DLGAP1: variants seen among roughly 807,000 people sequenced by gnomAD.
DLGAP1 encodes the protein disks large-associated protein 1.
DLGAP1 carries 11 observed loss-of-function variants against 90.8 expected under a neutral mutation model. The ratio of observed to expected loss-of-function variants is 0.12; its 90% confidence interval spans 0.08 to 0.20. DLGAP1 has a LOEUF of 0.20. DLGAP1 is among the 10% of genes least tolerant of loss of function. The pLI, the probability that DLGAP1 is intolerant of heterozygous loss-of-function variation, is 1.00. For synonymous variants in DLGAP1, 558 were observed against 540.7 expected (o/e 1.03, Z -0.44); for missense variants, 1,050 against 1,333.8 (o/e 0.79, Z 3.31).
In DLGAP1 at chr18:3,728,456, C is replaced by T. The variant is rs368497488; in HGVS notation, c.1591+679G>A. Among the ~76,000 whole-genome samples the T allele has an allele frequency of 2.6e-5, 4 of 151,956 alleles. No individual in the cohort carries two copies. In the East Asian group the frequency reaches 5.8e-4, roughly 22 times the overall value. On this transcript the variant is annotated intron_variant, in intron 7 of 12. Coordinates refer to ENST00000315677, the MANE Select transcript of DLGAP1 (RefSeq NM_004746.4). ...TCCAGTGTCACAGAAACTCGTTAAG[C>T]TTTTCTGTGTCTCCGTGCCTAAAAT...
intron 8 of DLGAP1, among the ~76,000 whole-genome samples, chr18:3,573,632 GT>G (rs34761082): frequency 0.08 from 12,021 of 149,820 alleles, 702 homozygotes; most frequent in African/African-American, 0.15. Flanking sequence ...TTTGTGAAAG[GT>G]TTTTTTTTTC....
At chr18:4,446,770 A>G (rs2144875894) in intron 1 of DLGAP1, among the ~76,000 whole-genome samples, 1 of 152,306 alleles carries the variant, frequency 6.6e-6, no homozygotes, top group Middle Eastern at 3.4e-3. Context: ...CTGAGTGGAG[A>G]TAACTGAAAT....
chr18:3,785,491 T>C (rs1387728173), intron 5 of DLGAP1, among the ~76,000 whole-genome samples: 4 of 152,056 alleles, frequency 2.6e-5, no homozygotes, highest in African/African-American at 4.8e-5. Flanking sequence ...CTCAGTGGAG[T>C]ACAGATCTTA....
chr18:3,550,636 C>T (rs934359092), intron 9 of DLGAP1, among the ~76,000 whole-genome samples: 7 of 150,414 alleles, frequency 4.7e-5, no homozygotes, highest in Middle Eastern at 3.4e-3. Flanking sequence ...AGAGGAGAGA[C>T]GACATGAAGA....
At chr18:3,952,831 ACAATAAGTAAATAAG>A (rs1185170123) in intron 3 of DLGAP1, among the ~76,000 whole-genome samples, 1 of 152,206 alleles carries the variant, frequency 6.6e-6, no homozygotes, top group East Asian at 1.9e-4. Context: ...GAGAGAGTTT[ACAATAAGTAAATAAG>A]CACTTGGAAT....
rs146606086 is a variant in DLGAP1 at position 3,611,773 on chromosome 18, C to CA, written c.1592-29526dup. On this transcript the variant is annotated intron_variant, in intron 7 of 12. Transcript: ENST00000315677. The stretch of plus-strand genomic sequence containing the variant: ...AAGGAAACCCCAAAGAAAATCCAAA[C>CA]AAAAAAGCTTACAAGTATGTTTCTC... Among the ~76,000 whole-genome samples, 839 of 152,260 alleles carry CA rather than the reference C, an allele frequency of 5.5e-3. 8 individuals are homozygous for CA. The highest frequency in any genetic ancestry group is 0.019 in the African/African-American group (803 of 41,546).
Position 4,454,655 on chromosome 18 carries a change from G to C in DLGAP1, c.-267+351C>G, listed in dbSNP as rs1333585076. Among the ~76,000 whole-genome samples the C allele has an allele frequency of 2.0e-5, 3 of 151,994 alleles. No homozygotes were observed. Among genetic ancestry groups the C allele is most frequent in the Middle Eastern group, 3.2e-3 (1 of 316 alleles). ...GCGAATTTGACCGGTGGACATGACC[G>C]GGACAGGGGACCGGTGTTCTCCTCC... On this transcript the variant is annotated intron_variant, in intron 1 of 12. Coordinates refer to ENST00000315677, the MANE Select transcript of DLGAP1 (RefSeq NM_004746.4). The surrounding 1 kb of genome is among the most constrained non-coding windows in gnomAD (Gnocchi z 4.7).
intron 7 of DLGAP1, among the ~76,000 whole-genome samples, chr18:3,590,699 AC>A: frequency 6.6e-6 from 1 of 152,228 alleles, no homozygotes; most frequent in East Asian, 1.9e-4. Context: ...TACTAAAAAT[AC>A]AAAAATTAGC....
intron 6 of DLGAP1, among the ~76,000 whole-genome samples, chr18:3,739,109 TAA>T (rs1271252380): frequency 1.6e-4 from 20 of 122,264 alleles, no homozygotes. Context: ...TGGCAATCAT[TAA>T]AAAGTCAGGA....
chr18:3,619,703 T>C (rs1164216529), intron 7 of DLGAP1, among the ~76,000 whole-genome samples: 1 of 151,402 alleles, frequency 6.6e-6, no homozygotes, highest in African/African-American at 2.4e-5. Flanking sequence ...ACCTTCTGAC[T>C]TAGCGTCATG....
chr18:3,848,490 T>A (rs1256777246), intron 4 of DLGAP1, among the ~76,000 whole-genome samples: 1 of 152,178 alleles, frequency 6.6e-6, no homozygotes, highest in Admixed American at 6.5e-5. Flanking sequence ...AGAACTCCCA[T>A]GTGAGAGTCA....
At position 3,729,650 on chromosome 18, in the gene DLGAP1, C is replaced by A. The variant is rs1468830086; in HGVS notation, c.1351-275G>T. ...TCTCGAACTCCTGACCTCAAGTGAT[C>A]CACCCGCCTGGGCCTCCCAAAGTGC... On this transcript the variant is annotated intron_variant, in intron 6 of 12. Transcript: ENST00000315677. This position sits in a 1 kb window ranked among gnomAD's most constrained non-coding sequence, Gnocchi z 6.2. Among the ~76,000 whole-genome samples, 1 of 152,126 alleles carries A rather than the reference C, an allele frequency of 6.6e-6. No individual in the cohort carries two copies. The highest frequency in any genetic ancestry group is 2.4e-5 in the African/African-American group (1 of 41,418).
At chr18:4,319,439 CCAAA>C (rs1354185847) in intron 1 of DLGAP1, among the ~76,000 whole-genome samples, 4 of 152,032 alleles carry the variant, frequency 2.6e-5, no homozygotes, top group Admixed American at 6.5e-5. Context: ...AGTTTGGGGA[CCAAA>C]CAAATACAAC....
intron 4 of DLGAP1, among the ~76,000 whole-genome samples, chr18:3,840,981 T>G (rs113787096): frequency 2.2e-4 from 33 of 152,312 alleles, no homozygotes; most frequent in African/African-American, 7.7e-4. Context: ...CAACACAAAA[T>G]GGAAAATTTC....
At chr18:4,297,824 G>A (rs62088067) in intron 1 of DLGAP1, among the ~76,000 whole-genome samples, 3,307 of 152,122 alleles carry the variant, frequency 0.022, 48 homozygotes, top group Admixed American at 0.031. Flanking sequence ...GCAGAGGTGC[G>A]AGTAGCCCAT....
intron 1 of DLGAP1, among the ~76,000 whole-genome samples, chr18:4,417,620 G>C (rs1598389141): frequency 1.3e-5 from 2 of 152,214 alleles, no homozygotes; most frequent in Middle Eastern, 6.8e-3. Context: ...AAACCTATTG[G>C]AGAAAGTTTA....
chr18:3,645,729 G>A (rs1020171147), intron 7 of DLGAP1, among the ~76,000 whole-genome samples: 1 of 152,084 alleles, frequency 6.6e-6, no homozygotes, highest in Non-Finnish European at 1.5e-5. Context: ...AGTCATAATG[G>A]CCTGTTCACA....
chr18:3,956,979 C>A (rs1431389856), intron 3 of DLGAP1, among the ~76,000 whole-genome samples: 2 of 152,126 alleles, frequency 1.3e-5, no homozygotes, highest in African/African-American at 4.8e-5. Flanking sequence ...CATCTCTTTT[C>A]CAGGATTTGA....
At chr18:3,946,359 T>C (rs964638484) in intron 3 of DLGAP1, among the ~76,000 whole-genome samples, 2 of 152,144 alleles carry the variant, frequency 1.3e-5, no homozygotes, top group African/African-American at 4.8e-5. Flanking sequence ...ATAATAATTA[T>C]TAGACCAGGT....
Sources: allele counts gnomAD v4.1 joint callset (sites outside exome capture counted in the v4.1 genomes callset), GRCh38; gene constraint gnomAD v4.1.1; non-coding constraint Gnocchi (gnomAD v3.1); transcripts MANE v1.5; gene names NCBI Gene and HGNC (gene_info 2026-07-23, HGNC 2026-07-21).